Variants in MYO9A observed in about 807,000 individuals in gnomAD.
The protein encoded by MYO9A is myosin IXA, also known as unconventional myosin-IXa.
MYO9A carries 103 observed loss-of-function variants against 293.3 expected under a neutral mutation model. The observed-to-expected ratio is 0.35, with a 90% CI of 0.30 to 0.41. The LOEUF (loss-of-function observed/expected upper bound fraction) is 0.41, where lower values mean the gene tolerates loss of function less well. Among genes scored for constraint, MYO9A ranks in the 10% least tolerant of loss-of-function variants. The probability of loss-of-function intolerance (pLI) is 1.00; values close to 1 mark genes in which losing one functional copy is unlikely to be tolerated. For missense variants in MYO9A, 2,685 were observed against 3,033.0 expected (o/e 0.89, Z 2.69); for synonymous variants, 1,001 against 1,035.7 (o/e 0.97, Z 0.64).
rs2054449223 is a variant in MYO9A, at chr15:71,825,600, T to TTA, written c.*978_*979dup. 6.6e-6 allele frequency: 1 copy of TTA among 151,898 alleles called. No individual in the cohort carries two copies. Among genetic ancestry groups the TTA allele is most frequent in the Non-Finnish European group, 1.5e-5 (1 of 67,890 alleles). The allele number at this position is 151,898 out of a possible 1,614,324, so 9.4% of individuals were successfully genotyped here. Reference sequence around the variant, plus strand: ...TTTGGAAACTAACTAAACGGTCACATTATTTGTTTGTTTGTTTGAGTCTGA... The same window carrying TTA: ...TTTGGAAACTAACTAAACGGTCACATTATATTTGTTTGTTTGTTTGAGTCTGA... On this transcript the variant is annotated 3_prime_UTR_variant, in exon 42 of 42. Transcript: ENST00000356056.
At chr15:72,052,514 C>T (rs953986681) in intron 1 of MYO9A, among the ~76,000 whole-genome samples, 1 of 152,202 alleles carries the variant, frequency 6.6e-6, no homozygotes, top group African/African-American at 2.4e-5. Flanking sequence ...GCCCCTTGTT[C>T]GTCCCATTGT....
At position 72,027,754 on chromosome 15, in the gene MYO9A, G is replaced by C. The variant is rs763797523; in HGVS notation, c.975C>G (p.Leu325=). 6.2e-7 allele frequency: 1 copy of C among 1,608,544 alleles called. No homozygotes were observed. Among genetic ancestry groups the C allele is most frequent in the Non-Finnish European group, 8.5e-7 (1 of 1,177,954 alleles). The change falls in exon 4 of 42, where the codon CTC becomes CTG. Residue 325 remains leucine (L), a synonymous_variant. Coordinates refer to ENST00000356056, the MANE Select transcript of MYO9A (RefSeq NM_006901.4). ...ACCGTTCATTATGCTCCTGATAAACGAGTCTGGACTTCTCCAGTAGATATT... is the reference window on the plus strand; with the variant it reads ...ACCGTTCATTATGCTCCTGATAAACCAGTCTGGACTTCTCCAGTAGATATT... ...VEKYLLEKSR[L]VYQEHNERNY...
chr15:72,109,491 G>C (rs1386828400), intron 1 of MYO9A, among the ~76,000 whole-genome samples: 1 of 151,890 alleles, frequency 6.6e-6, no homozygotes, highest in Non-Finnish European at 1.5e-5. Flanking sequence ...GACATAATTA[G>C]TGTTCTCTTC....
At chr15:72,118,316 G>C (rs2081084625), upstream of MYO9A, 1 of 226,552 alleles carries the variant, frequency 4.4e-6, no homozygotes, top group South Asian at 1.8e-4. Context: ...TTACGGCAGA[G>C]CAGGGAACTC....
intron 4 of MYO9A, among the ~76,000 whole-genome samples, chr15:72,025,137 A>T (rs867704858): frequency 1.3e-4 from 20 of 152,158 alleles, no homozygotes; most frequent in African/African-American, 4.1e-4. Context: ...AAGATGGAAA[A>T]AAAAGTTACC....
chr15:71,857,202 C>G (rs568873728), intron 34 of MYO9A, among the ~76,000 whole-genome samples: 1 of 151,904 alleles, frequency 6.6e-6, no homozygotes, highest in Non-Finnish European at 1.5e-5. Flanking sequence ...TAATCTAAAG[C>G]AAACATGCTA....
chr15:71,976,404 A>T (rs1272211089), intron 12 of MYO9A, among the ~76,000 whole-genome samples: 3 of 152,236 alleles, frequency 2.0e-5, no homozygotes, highest in African/African-American at 7.2e-5. Context: ...GCACAAGCTT[A>T]TTAGTCAGAA....
intron 18 of MYO9A, among the ~76,000 whole-genome samples, chr15:71,927,934 A>C (rs543376622): frequency 1.7e-4 from 24 of 143,506 alleles, no homozygotes; most frequent in Non-Finnish European, 3.3e-4. Context: ...CCATAAATGT[A>C]CGGGTTTACT....
intron 13 of MYO9A, among the ~76,000 whole-genome samples, chr15:71,962,402 C>T (rs2075768824): frequency 6.6e-6 from 1 of 152,162 alleles, no homozygotes; most frequent in African/African-American, 2.4e-5. Context: ...CCTAATTCTT[C>T]TTTATTCTCC....
At chr15:72,081,405 C>T (rs370461497) in intron 1 of MYO9A, among the ~76,000 whole-genome samples, 2 of 151,836 alleles carry the variant, frequency 1.3e-5, no homozygotes, top group African/African-American at 2.4e-5. Flanking sequence ...CACTTTTTAG[C>T]GGGTTTTCTT....
intron 2 of MYO9A, among the ~76,000 whole-genome samples, chr15:72,037,104 G>T (rs1216564142): frequency 6.6e-6 from 1 of 151,564 alleles, no homozygotes. Context: ...GGTGTCATAA[G>T]GACTTTCTTG....
In MYO9A at chr15:71,823,805, AG is replaced by A. The variant is rs2054361396; in HGVS notation, c.*2774del. 1 of 152,186 alleles carries A rather than the reference AG, an allele frequency of 6.6e-6. No individual in the cohort carries two copies. The highest frequency in any genetic ancestry group is 1.5e-5 in the Non-Finnish European group (1 of 68,050). 9.4% of individuals were successfully genotyped at this position (152,186 alleles called of 1,614,324 possible). On this transcript the variant is annotated 3_prime_UTR_variant, in exon 42 of 42. Coordinates refer to ENST00000356056, the MANE Select transcript of MYO9A (RefSeq NM_006901.4). ...TTTGGAGTATGGGCTCCAAATGTGG[AG>A]CTGCCCCACTGCTGCCATGCAGAGA...
At chr15:72,070,958 G>GA (rs2079172371) in intron 1 of MYO9A, among the ~76,000 whole-genome samples, 1 of 152,094 alleles carries the variant, frequency 6.6e-6, no homozygotes, top group Admixed American at 6.5e-5. Context: ...ATCCTAGGAG[G>GA]AAACTAGAAA....
At chr15:71,906,606 T>C (rs1469775657) in intron 19 of MYO9A, among the ~76,000 whole-genome samples, 1 of 152,108 alleles carries the variant, frequency 6.6e-6, no homozygotes, top group Non-Finnish European at 1.5e-5. Context: ...CTGACTCTAC[T>C]ATAGTCACTA....
At chr15:71,967,292 G>C (rs2075902442) in intron 13 of MYO9A, among the ~76,000 whole-genome samples, 1 of 152,116 alleles carries the variant, frequency 6.6e-6, no homozygotes, top group African/African-American at 2.4e-5. Flanking sequence ...CATCTGTCTA[G>C]TTTATCATTA....
At chr15:72,050,391 G>A (rs966955081) in intron 1 of MYO9A, among the ~76,000 whole-genome samples, 8 of 152,080 alleles carry the variant, frequency 5.3e-5, no homozygotes, top group African/African-American at 9.7e-5. Flanking sequence ...GATAGATCAC[G>A]AGGTCAGGAG....
chr15:71,850,729 G>A (rs2055599476), intron 37 of MYO9A, among the ~76,000 whole-genome samples: 1 of 124,996 alleles, frequency 8.0e-6, no homozygotes, highest in Admixed American at 1.0e-4. Context: ...TTGCGTCACT[G>A]CACTCCGGCC....
chr15:71,971,684 T>C (rs757206123), intron 12 of MYO9A, among the ~76,000 whole-genome samples: 1 of 151,816 alleles, frequency 6.6e-6, no homozygotes. Context: ...AACATCATCA[T>C]GTACCATTGT....
chr15:72,071,170 C>A (rs1308951187), intron 1 of MYO9A, among the ~76,000 whole-genome samples: 1 of 152,026 alleles, frequency 6.6e-6, no homozygotes, highest in Non-Finnish European at 1.5e-5. Context: ...GAGACTAGCA[C>A]CTGGAATCTA....
Sources: allele counts gnomAD v4.1 joint callset (sites outside exome capture counted in the v4.1 genomes callset), GRCh38; gene constraint gnomAD v4.1.1; transcripts MANE v1.5; gene names NCBI Gene and HGNC (gene_info 2026-07-23, HGNC 2026-07-21).